Variants in SMIM14 observed in about 807,000 individuals in gnomAD.
SMIM14 encodes small integral membrane protein 14.
SMIM14 carries 5 observed loss-of-function variants against 12.6 expected under a neutral mutation model. The observed-to-expected ratio is 0.40, with a 90% CI of 0.21 to 0.83. The LOEUF (loss-of-function observed/expected upper bound fraction) is 0.83. Ranked by LOEUF, SMIM14 falls within the 40% of genes least tolerant of loss-of-function variation. The pLI is 0.37. For missense variants in SMIM14, 86 were observed against 119.1 expected, an observed-to-expected ratio of 0.72 and a Z score of 1.29; for synonymous variants, 30 against 40.1, an observed-to-expected ratio of 0.75 and a Z score of 0.95.
chr4:39,549,158 C>G lies in SMIM14; in HGVS notation c.*2968G>C, dbSNP rs1298286667. On this transcript the variant is annotated 3_prime_UTR_variant, in exon 5 of 5. Transcript: ENST00000295958. ...GCAGTGAGCCAAGGTCGCGCCACTT[C>G]ACTCCAGCTTGGGCGAAAGAGCAAA... The G allele has an allele frequency of 6.6e-6, 1 of 152,146 alleles. No individual in the cohort carries two copies. The highest frequency in any genetic ancestry group is 1.5e-5 in the Non-Finnish European group (1 of 68,046). 9.4% of individuals were successfully genotyped at this position (152,146 alleles called of 1,614,324 possible).
At chr4:39,576,660 G>A (rs6848698) in intron 2 of SMIM14, among the ~76,000 whole-genome samples, 54,637 of 72,068 alleles carry the variant, frequency 0.76, 21,252 homozygotes, top group Middle Eastern at 0.9. Context: ...GTGTGTATGT[G>A]TATATATATA....
intron 2 of SMIM14, among the ~76,000 whole-genome samples, chr4:39,584,984 A>G (rs1389494281): frequency 6.6e-6 from 1 of 151,958 alleles, no homozygotes; most frequent in Non-Finnish European, 1.5e-5. Flanking sequence ...TACAAAGCAC[A>G]TTCTGAATTT....
At chr4:39,556,640 A>G (rs966513972) in intron 3 of SMIM14, 70 bp from the exon 4 acceptor site, 65 of 1,355,238 alleles carry the variant, frequency 4.8e-5, no homozygotes, top group Non-Finnish European at 6.0e-5. Context: ...TAATGTTTAA[A>G]TGTCAGTTTC....
intron 2 of SMIM14, among the ~76,000 whole-genome samples, chr4:39,599,684 G>A (rs753366734): frequency 4.6e-5 from 7 of 152,160 alleles, no homozygotes; most frequent in Non-Finnish European, 7.3e-5. Context: ...AGCACTTTGG[G>A]AGGCTGAGGC....
chr4:39,564,329 C>T (rs780067445), intron 3 of SMIM14, among the ~76,000 whole-genome samples: 3 of 152,184 alleles, frequency 2.0e-5, no homozygotes, highest in Non-Finnish European at 2.9e-5. Flanking sequence ...TGATCTCTAT[C>T]ATTCCCTAAT....
intron 1 of SMIM14, among the ~76,000 whole-genome samples, chr4:39,624,826 A>AAAC (rs1234695376): frequency 3.4e-4 from 51 of 151,482 alleles, no homozygotes; most frequent in Middle Eastern, 3.4e-3. Context: ...GAAAAAAAAA[A>AAAC]AAAAAAAACT....
intron 2 of SMIM14, among the ~76,000 whole-genome samples, chr4:39,574,150 G>A (rs552909502): frequency 5.9e-5 from 9 of 151,860 alleles, no homozygotes; most frequent in East Asian, 5.8e-4. Context: ...TGTTTGGGAC[G>A]GCAACTATGG....
chr4:39,609,183 T>C (rs1276051613), intron 1 of SMIM14, among the ~76,000 whole-genome samples: 1 of 152,002 alleles, frequency 6.6e-6, no homozygotes, highest in Non-Finnish European at 1.5e-5. Context: ...TGTTTCACCA[T>C]GTTAGCCAGG....
Position 39,595,144 on chromosome 4 carries a change from G to A in SMIM14, c.75+9927C>T, listed in dbSNP as rs952801981. Among the ~76,000 whole-genome samples the A allele has an allele frequency of 5.6e-5, 8 of 142,640 alleles. No individual in the cohort carries two copies. In the South Asian group the frequency reaches 6.8e-4, roughly 12 times the overall value. 93.6% of individuals were successfully genotyped at this position (142,640 alleles called of 152,430 possible). A position where few individuals can be genotyped will look rare whatever the true frequency, so the allele number is the denominator to read the frequency against. On this transcript the variant is annotated intron_variant, in intron 2 of 4. Transcript: ENST00000295958. ...GCACTATTCACAATAGTAAAGACTC[G>A]GAACCAACCCAAATGTCCAACGATG...
chr4:39,588,631 TATTAA>T (rs1437489483), intron 2 of SMIM14, among the ~76,000 whole-genome samples: 5 of 152,194 alleles, frequency 3.3e-5, no homozygotes, highest in South Asian at 2.1e-4. Flanking sequence ...TGCAAAATAT[TATTAA>T]ATTGAGGAAA....
intron 2 of SMIM14, among the ~76,000 whole-genome samples, chr4:39,581,498 G>A (rs537042658): frequency 1.9e-4 from 28 of 145,458 alleles, no homozygotes; most frequent in Admixed American, 5.0e-4. Context: ...TTCTTTTTTC[G>A]TTTTTTTCCT....
intron 3 of SMIM14, 40 bp downstream of exon 3, chr4:39,572,375 C>T (rs189335228): frequency 4.6e-5 from 67 of 1,450,354 alleles, no homozygotes; most frequent in Non-Finnish European, 5.7e-5. Context: ...TCTAATTCTG[C>T]CCCCAATGCC....
intron 2 of SMIM14, among the ~76,000 whole-genome samples, chr4:39,598,941 G>T (rs1207289467): frequency 6.6e-6 from 1 of 152,034 alleles, no homozygotes; most frequent in African/African-American, 2.4e-5. Context: ...ATCCTGGAAG[G>T]TACTTTGTTT....
intron 3 of SMIM14, among the ~76,000 whole-genome samples, chr4:39,563,217 C>G (rs928941421): frequency 3.3e-5 from 5 of 152,036 alleles, no homozygotes; most frequent in African/African-American, 1.2e-4. Flanking sequence ...CTCGCCTCCA[C>G]ACCCGGCTAA....
At position 39,587,573 on chromosome 4, in the gene SMIM14, C is replaced by T. The variant is rs10017073; in HGVS notation, c.76-15110G>A. ...TCCAAAAACAGCCACAGAATTAAAG[C>T]CAAACATGCTCTTCTAGAATCTTGC... On this transcript the variant is annotated intron_variant, in intron 2 of 4. Transcript: ENST00000295958. Among the ~76,000 whole-genome samples, 683 of 150,588 alleles carry T rather than the reference C, an allele frequency of 4.5e-3. 10 individuals carry two copies. Among genetic ancestry groups the T allele is most frequent in the African/African-American group, 0.016 (649 of 40,508 alleles).
At chr4:39,615,078 C>T (rs187366271) in intron 1 of SMIM14, among the ~76,000 whole-genome samples, 353 of 152,056 alleles carry the variant, frequency 2.3e-3, no homozygotes, top group Middle Eastern at 0.014. Context: ...TTAAAATAGC[C>T]GATAGAGTCT....
At chr4:39,556,667 T>C (rs1280044614) in intron 3 of SMIM14, 97 bp from the exon 4 acceptor site, 1 of 1,067,074 alleles carries the variant, frequency 9.4e-7, no homozygotes, top group Non-Finnish European at 1.3e-6. Context: ...TGTATTAATA[T>C]AAAAATTGTA....
At chr4:39,599,933 C>CAAAAAAAAAAA (rs56285045) in intron 2 of SMIM14, among the ~76,000 whole-genome samples, 11 of 115,086 alleles carry the variant, frequency 9.6e-5, no homozygotes, top group African/African-American at 1.1e-4. Context: ...AAAACAACAA[C>CAAAAAAAAAAA]AAAAAAAAAA....
chr4:39,593,565 A>G (rs1002722029), intron 2 of SMIM14: 4 of 152,218 alleles, frequency 2.6e-5, no homozygotes, highest in African/African-American at 9.6e-5. Flanking sequence ...GCAATTAGGC[A>G]GGAGAAGGAA....
Sources: allele counts gnomAD v4.1 joint callset (sites outside exome capture counted in the v4.1 genomes callset), GRCh38; gene constraint gnomAD v4.1.1; transcripts MANE v1.5; gene names NCBI Gene and HGNC (gene_info 2026-07-23, HGNC 2026-07-21).